ENOX1: variants seen among roughly 807,000 people sequenced by gnomAD.
The protein encoded by ENOX1 is candidate growth-related and time keeping constitutive hydroquinone (NADH) oxidase.
Under a neutral mutation model 82.5 loss-of-function variants are expected in ENOX1, and 42 were observed. The observed-to-expected ratio is 0.51, with a 90% confidence interval of 0.40 to 0.66. The LOEUF is 0.66. ENOX1 is among the 30% of genes least tolerant of loss of function. ENOX1 has a pLI of 0.00. For synonymous variants in ENOX1, 271 were observed against 282.2 expected, an observed-to-expected ratio of 0.96 and a Z score of 0.40; for missense variants, 608 against 811.6, an observed-to-expected ratio of 0.75 and a Z score of 3.05.
rs138155555 is a variant in ENOX1, at chr13:43,411,801, A to G, written c.208+115T>C. 3.3e-5 allele frequency: 43 copies of G among 1,319,068 alleles called. No individual in the cohort carries two copies. The East Asian group carries it at 1.0e-3, about 32-fold the overall frequency. 81.7% of individuals were successfully genotyped at this position (1,319,068 alleles called of 1,614,324 possible). ...AAGTACAACTTGCCAAACATGCCCCAGTCATAAATAAAAGACTGTGTCCAA... is the reference window on the plus strand; with the variant it reads ...AAGTACAACTTGCCAAACATGCCCCGGTCATAAATAAAAGACTGTGTCCAA... On this transcript the variant is annotated intron_variant, in intron 5 of 16. Transcript: ENST00000690772.
chr13:43,705,320 C>CTA lies in ENOX1; in HGVS notation c.-284-37777_-284-37776insTA, dbSNP rs2087190152. ...ACAAACAACAACTCTCTCTCTCTCT[C>CTA]TCTCTCTCTCTATATATATATATAT... On this transcript the variant is annotated intron_variant, in intron 1 of 16. Transcript: ENST00000690772. Among the ~76,000 whole-genome samples, 4 of 27,338 alleles carry CTA rather than the reference C, an allele frequency of 1.5e-4. No individual in the cohort carries two copies. The South Asian group carries it at 5.5e-3, about 37-fold the overall frequency. 17.9% of individuals were successfully genotyped at this position (27,338 alleles called of 152,430 possible).
At chr13:43,327,983 T>C (rs376943615) in intron 9 of ENOX1, among the ~76,000 whole-genome samples, 2 of 152,304 alleles carry the variant, frequency 1.3e-5, no homozygotes, top group East Asian at 3.9e-4. Context: ...TCTCCTTATT[T>C]AGCAAAACCT....
chr13:43,541,826 T>C (rs2078742392), intron 2 of ENOX1, among the ~76,000 whole-genome samples: 1 of 152,196 alleles, frequency 6.6e-6, no homozygotes, highest in Admixed American at 6.5e-5. Flanking sequence ...CTGCATTCCA[T>C]TTAGGTTTTC....
chr13:43,685,010 G>A (rs1012281853), intron 1 of ENOX1, among the ~76,000 whole-genome samples: 2 of 152,150 alleles, frequency 1.3e-5, no homozygotes, highest in African/African-American at 2.4e-5. Flanking sequence ...AGAAATTACT[G>A]TCCCTTAAGC....
rs1300623136 is a variant in ENOX1, at chr13:43,448,215, T to G, written c.-74-35227A>C. ...TTATTAGTTGGAACAGGCAATTGCTTGCAAACTTTGCAGGAGAGGTCATTT... is the reference window on the plus strand; with the variant it reads ...TTATTAGTTGGAACAGGCAATTGCTGGCAAACTTTGCAGGAGAGGTCATTT... On this transcript the variant is annotated intron_variant, in intron 3 of 16. Coordinates refer to ENST00000690772, the MANE Select transcript of ENOX1 (RefSeq NM_001347969.2). Among the ~76,000 whole-genome samples, 9 of 152,244 alleles carry G rather than the reference T, an allele frequency of 5.9e-5. No homozygotes were observed. The East Asian group carries it at 1.7e-3, about 29-fold the overall frequency.
At chr13:43,386,711 T>C (rs1286518525) in intron 5 of ENOX1, among the ~76,000 whole-genome samples, 1 of 152,230 alleles carries the variant, frequency 6.6e-6, no homozygotes, top group Non-Finnish European at 1.5e-5. Context: ...TCCAAGAATA[T>C]GATTGTCTTG....
At position 43,322,456 on chromosome 13, in the gene ENOX1, C is replaced by T. The variant is rs777229666; in HGVS notation, c.1189G>A (p.Glu397Lys). The T allele has an allele frequency of 6.2e-6, 10 of 1,613,948 alleles. No homozygotes were observed. The highest frequency in any genetic ancestry group is 2.2e-5 in the East Asian group (1 of 44,896). The change falls in exon 11 of 17, where the codon GAA becomes AAA. Residue 397 changes from glutamate (E) to lysine (K), a missense_variant. Glu to Lys is a moderately conservative substitution (Grantham distance 56). Coordinates refer to ENST00000690772, the MANE Select transcript of ENOX1 (RefSeq NM_001347969.2). ...QSEQLMGIRR[E>K]EEMEMSDDEN... ...TCATCAGACATTTCCATTTCTTCTT[C>T]GCGGCGGATGCCCATGAGCTGCTCA...
chr13:43,439,670 A>C (rs1414738231), intron 3 of ENOX1, among the ~76,000 whole-genome samples: 1 of 152,058 alleles, frequency 6.6e-6, no homozygotes, highest in Non-Finnish European at 1.5e-5. Flanking sequence ...CTCGTTCTTT[A>C]ACATTTTTTG....
At chr13:43,716,162 G>T (rs1020851196) in intron 1 of ENOX1, among the ~76,000 whole-genome samples, 1 of 152,152 alleles carries the variant, frequency 6.6e-6, no homozygotes, top group African/African-American at 2.4e-5. Context: ...CAGTTTTTCT[G>T]CTCTGTTTTT....
intron 1 of ENOX1, among the ~76,000 whole-genome samples, chr13:43,739,906 G>A (rs2089819736): frequency 6.6e-6 from 1 of 152,034 alleles, no homozygotes; most frequent in Non-Finnish European, 1.5e-5. Context: ...ACACAACAAG[G>A]ATGAAGACCT....
chr13:43,322,409 T>C lies in ENOX1; in HGVS notation c.1236A>G (p.Thr412=). 1.9e-6 allele frequency: 3 copies of C among 1,614,092 alleles called. No individual in the cohort carries two copies. The highest frequency in any genetic ancestry group is 2.5e-6 in the Non-Finnish European group (3 of 1,179,940). Residue 412 remains threonine (T), a synonymous_variant, in exon 11 of 17, where the codon ACA becomes ACG. Coordinates refer to ENST00000690772, the MANE Select transcript of ENOX1 (RefSeq NM_001347969.2). ...CTGATTCATCGACTCTCATTTTCTT[T>C]GTAGGGCTGTCACAGTTCTCATCAT... ...MSDDENCDSP[T]KKMRVDESAL...
chr13:43,775,553 T>C (rs1951862956), intron 1 of ENOX1, among the ~76,000 whole-genome samples: 1 of 152,222 alleles, frequency 6.6e-6, no homozygotes, highest in Non-Finnish European at 1.5e-5. Flanking sequence ...TTTAAGATTA[T>C]TCCCATGTGT....
chr13:43,386,786 G>A (rs1177482606), intron 5 of ENOX1, among the ~76,000 whole-genome samples: 2 of 152,086 alleles, frequency 1.3e-5, no homozygotes, highest in East Asian at 3.8e-4. Flanking sequence ...TTTCTCCTTG[G>A]TTGTTTTCTT....
intron 2 of ENOX1, among the ~76,000 whole-genome samples, chr13:43,585,555 C>T (rs1419677607): frequency 2.0e-5 from 3 of 152,118 alleles, no homozygotes; most frequent in Non-Finnish European, 2.9e-5. Context: ...GATTCTGTCT[C>T]CTAAATTCTT....
chr13:43,721,967 C>T (rs1216654827), intron 1 of ENOX1, among the ~76,000 whole-genome samples: 3 of 152,200 alleles, frequency 2.0e-5, no homozygotes, highest in African/African-American at 7.2e-5. Flanking sequence ...GCTCTCGACT[C>T]TGTTAAACAG....
Position 43,344,545 on chromosome 13 carries a change from G to A in ENOX1, c.1029C>T (p.Leu343=), listed in dbSNP as rs141824564. 1.6e-4 allele frequency: 257 copies of A among 1,613,530 alleles called. No homozygotes were observed. The Middle Eastern group carries it at 1.6e-3, about 10-fold the overall frequency. Residue 343 remains leucine (L), a synonymous_variant, in exon 9 of 17, where the codon CTC becomes CTT. Transcript: ENST00000690772. ...ENFKNALTGI[L]TQFEQIVAVF... is the part of the protein sequence containing the mutation. ...CCCCAAAATTTTACTTACATTGAGT[G>A]AGAATCCCAGTTAAGGCATTTTTAA...
At position 43,727,103 on chromosome 13, in the gene ENOX1, T is replaced by G. The variant is rs144170584; in HGVS notation, c.-285+59549A>C. 5.5e-4 allele frequency among the ~76,000 whole-genome samples: 84 copies of G among 152,284 alleles called. 1 individual carries two copies. The highest frequency in any genetic ancestry group is 1.9e-3 in the African/African-American group (77 of 41,572). On this transcript the variant is annotated intron_variant, in intron 1 of 16. Coordinates refer to ENST00000690772, the MANE Select transcript of ENOX1 (RefSeq NM_001347969.2). ...TTCTTAGTGTTTGTTCTCTCCTTCATGGGTGCTGGTACTGAATTTCCAGCT... is the reference window on the plus strand; with the variant it reads ...TTCTTAGTGTTTGTTCTCTCCTTCAGGGGTGCTGGTACTGAATTTCCAGCT...
In ENOX1 at chr13:43,236,544, C is replaced by T. The variant is rs2042559563; in HGVS notation, c.1714+92G>A. 4.3e-6 allele frequency: 3 copies of T among 702,690 alleles called. No individual in the cohort carries two copies. In the African/African-American group the frequency reaches 5.6e-5, roughly 13 times the overall value. 43.5% of individuals were successfully genotyped at this position (702,690 alleles called of 1,614,324 possible). A position where few individuals can be genotyped will look rare whatever the true frequency, so the allele number is the denominator to read the frequency against. Reference sequence around the variant, plus strand: ...TCTCACCTTTTACCAGAAGGCAATGCTGTTTAAATTAATAAGTTAATAACT... The same window carrying T: ...TCTCACCTTTTACCAGAAGGCAATGTTGTTTAAATTAATAAGTTAATAACT... On this transcript the variant is annotated intron_variant, in intron 15 of 16. Coordinates refer to ENST00000690772, the MANE Select transcript of ENOX1 (RefSeq NM_001347969.2).
chr13:43,750,605 C>A (rs1950260779), intron 1 of ENOX1, among the ~76,000 whole-genome samples: 1 of 152,132 alleles, frequency 6.6e-6, no homozygotes, highest in African/African-American at 2.4e-5. Flanking sequence ...AAGGCAAGAT[C>A]TCTGATCTGG....
Sources: gnomAD v4.1 joint callset for allele counts (sites outside exome capture counted in the v4.1 genomes callset) on GRCh38, gnomAD v4.1.1 for gene constraint, MANE v1.5 for transcripts, NCBI Gene and HGNC (gene_info 2026-07-23, HGNC 2026-07-21) for gene names.